Variants in CHST15 observed in about 807,000 individuals in gnomAD.
The protein encoded by CHST15 is carbohydrate sulfotransferase 15, also known as B cell RAG associated protein (GALNAC4S-6ST).
A neutral mutation model predicts 53.6 loss-of-function variants in CHST15; 30 were observed. That is an observed-to-expected ratio of 0.56 (90% confidence interval 0.42 to 0.76). CHST15 has a LOEUF of 0.76. CHST15 is among the 30% of genes least tolerant of loss of function. The probability of loss-of-function intolerance (pLI) is 0.00; values close to 1 mark genes in which losing one functional copy is unlikely to be tolerated. For synonymous variants in CHST15, 296 were observed against 289.8 expected (o/e 1.02, Z -0.22); for missense variants, 627 against 740.5 (o/e 0.85, Z 1.78).
Position 124,045,848 on chromosome 10 carries a change from A to C in CHST15, c.365T>G (p.Leu122Trp). 1 of 1,614,044 alleles carries C rather than the reference A, an allele frequency of 6.2e-7. No homozygotes were observed. Among genetic ancestry groups the C allele is most frequent in the Non-Finnish European group, 8.5e-7 (1 of 1,180,000 alleles). The change falls in exon 2 of 8, where the codon TTG becomes TGG. Residue 122 changes from leucine (L) to tryptophan (W), a missense_variant. This residue lies in a region of CHST15 where 187 missense variants were observed against 251.8 expected (regional missense o/e 0.74). Transcript: ENST00000435907. ...GTCACTTGGGTTTTCGCTGTCCATC[A>C]AGCTGGGGTTGCTGGGGAAGCCTCC... ...HYGGFPSNPS[L>W]MDSENPSDTK...
chr10:124,012,537 C>CAA, intron 6 of CHST15, 57 bp from the exon 7 acceptor site: 1 of 1,554,504 alleles, frequency 6.4e-7, no homozygotes, highest in Admixed American at 1.9e-5. Context: ...CACCATAGGG[C>CAA]ACTTTTCCAA....
chr10:124,093,135 A>G (rs933052422), intron 1 of CHST15, among the ~76,000 whole-genome samples: 2 of 152,170 alleles, frequency 1.3e-5, no homozygotes. Flanking sequence ...CCAATGGCGA[A>G]GGGACTCCTC....
At chr10:124,073,554 A>G (rs1316132162) in intron 1 of CHST15, among the ~76,000 whole-genome samples, 2 of 152,224 alleles carry the variant, frequency 1.3e-5, no homozygotes, top group Non-Finnish European at 2.9e-5. Context: ...TCTTTAATGC[A>G]TGAAGGTTAT....
intron 5 of CHST15, among the ~76,000 whole-genome samples, chr10:124,038,108 A>T (rs1043184363): frequency 5.3e-4 from 70 of 132,376 alleles, no homozygotes; most frequent in Admixed American, 1.1e-3. Context: ...TTTTTATTTT[A>T]TTTTATTTTT....
intron 2 of CHST15, among the ~76,000 whole-genome samples, 193 bp from the exon 3 acceptor site, chr10:124,045,112 CAAAAAA>C (rs758243657): frequency 5.5e-3 from 186 of 33,740 alleles, no homozygotes; most frequent in East Asian, 7.5e-3. Flanking sequence ...CGCCGCCCCA[CAAAAAA>C]AAAAAAAAAA....
chr10:124,038,095 T>C (rs1220810840), intron 5 of CHST15, among the ~76,000 whole-genome samples: 7 of 150,376 alleles, frequency 4.7e-5, no homozygotes, highest in Admixed American at 4.0e-4. Context: ...TTATTTTTGT[T>C]TGTTTTTATT....
In CHST15 at chr10:124,044,846, T is replaced by A. The variant is rs747582261; in HGVS notation, c.620A>T (p.Gln207Leu). 1 of 1,521,234 alleles carries A rather than the reference T, an allele frequency of 6.6e-7. No homozygotes were observed. The highest frequency in any genetic ancestry group is 2.1e-5 in the Admixed American group (1 of 47,284). 94.2% of individuals were successfully genotyped at this position (1,521,234 alleles called of 1,614,324 possible). ...SPCWYEEFSG[Q>L]NTTDPYLTNS... ...GGTGAGGTAGGGGTCGGTGGTGTTC[T>A]GCCCCGAGAACTCCTCGTACCAACA... is the stretch of plus-strand genomic sequence containing the variant. Residue 207 changes from glutamine to leucine, a missense_variant, in exon 3 of 8, where the codon CAG becomes CTG. Coordinates refer to ENST00000435907, the MANE Select transcript of CHST15 (RefSeq NM_001270764.2).
At chr10:124,061,945 G>A (rs1948588467) in intron 1 of CHST15, among the ~76,000 whole-genome samples, 1 of 151,240 alleles carries the variant, frequency 6.6e-6, no homozygotes, top group African/African-American at 2.4e-5. Flanking sequence ...GCTGCACTGT[G>A]TCCCCTCCTT....
intron 1 of CHST15, among the ~76,000 whole-genome samples, chr10:124,090,604 T>C (rs1218136540): frequency 6.6e-6 from 1 of 152,224 alleles, no homozygotes; most frequent in Non-Finnish European, 1.5e-5. Flanking sequence ...GAATTAATCT[T>C]CTCTCTTCCA....
rs139837459 is a variant in CHST15 at position 124,077,927 on chromosome 10, A to G, written c.-513+15542T>C. On this transcript the variant is annotated intron_variant, in intron 1 of 7. Transcript: ENST00000435907. ...AGATGGTTTAATTAAAATACACCAG[A>G]GCATAATTCAATTGGAATTGAGGCT... is the stretch of plus-strand genomic sequence containing the variant. Among the ~76,000 whole-genome samples the G allele has an allele frequency of 5.1e-3, 770 of 152,338 alleles. 3 individuals are homozygous for G. The highest frequency in any genetic ancestry group is 0.017 in the African/African-American group (709 of 41,562).
chr10:124,050,523 C>G (rs964749089), intron 1 of CHST15, among the ~76,000 whole-genome samples: 3 of 152,176 alleles, frequency 2.0e-5, no homozygotes, highest in African/African-American at 7.2e-5. Flanking sequence ...ACCCTGGCCC[C>G]CACCCACTGG....
rs1249904720 is a variant in CHST15, at chr10:124,074,169, C to T, written c.-513+19300G>A. ...CTGCACCCCCAGGGAAGGTAGCTTG[C>T]TCTCCCTCCCAAGATCTTTCCACTT... On this transcript the variant is annotated intron_variant, in intron 1 of 7. Transcript: ENST00000435907. The surrounding 1 kb of genome is among the most constrained non-coding windows in gnomAD (Gnocchi z 4.4). Among the ~76,000 whole-genome samples the T allele has an allele frequency of 6.6e-6, 1 of 152,218 alleles. No individual in the cohort carries two copies. The highest frequency in any genetic ancestry group is 1.9e-4 in the East Asian group (1 of 5,190).
chr10:124,067,640 G>A (rs548633979), intron 1 of CHST15, among the ~76,000 whole-genome samples: 1 of 152,232 alleles, frequency 6.6e-6, no homozygotes, highest in African/African-American at 2.4e-5. Context: ...TTTTTGAGAC[G>A]GAGTGTTGCT....
Position 124,008,589 on chromosome 10 carries a change from T to C in CHST15, c.*1560A>G. On this transcript the variant is annotated 3_prime_UTR_variant, in exon 8 of 8. Coordinates refer to ENST00000435907, the MANE Select transcript of CHST15 (RefSeq NM_001270764.2). ...CCTCTGCACACCTTCGAACGGGCTGTGTGTCCCTTCTCTGATGGCAGAAAG... is the reference window on the plus strand; with the variant it reads ...CCTCTGCACACCTTCGAACGGGCTGCGTGTCCCTTCTCTGATGGCAGAAAG... The C allele has an allele frequency of 3.9e-6, 4 of 1,026,204 alleles. No homozygotes were observed. Among genetic ancestry groups the C allele is most frequent in the Non-Finnish European group, 3.5e-6 (3 of 852,474 alleles). The allele number at this position is 1,026,204 out of a possible 1,614,324, so 63.6% of individuals were successfully genotyped here. A position where few individuals can be genotyped will look rare whatever the true frequency, so the allele number is the denominator to read the frequency against.
intron 4 of CHST15, among the ~76,000 whole-genome samples, chr10:124,041,698 A>T (rs1279463627): frequency 6.6e-6 from 1 of 152,228 alleles, no homozygotes; most frequent in African/African-American, 2.4e-5. Context: ...TTAAAGAGTA[A>T]ATATGTATGT....
intron 1 of CHST15, among the ~76,000 whole-genome samples, chr10:124,081,110 A>G (rs760374321): frequency 2.6e-5 from 4 of 152,224 alleles, no homozygotes; most frequent in African/African-American, 9.6e-5. Flanking sequence ...GTGATGAACA[A>G]TGTGTGTTAG....
At chr10:124,060,656 G>C (rs1242651071) in intron 1 of CHST15, among the ~76,000 whole-genome samples, 1 of 152,218 alleles carries the variant, frequency 6.6e-6, no homozygotes. Context: ...AGTGTGCAGA[G>C]GTTAGCCAGG....
intron 6 of CHST15, 160 bp downstream of exon 6, chr10:124,021,096 T>G: frequency 6.7e-7 from 1 of 1,483,184 alleles, no homozygotes; most frequent in South Asian, 1.3e-5. Flanking sequence ...TTTTCAGCTT[T>G]TACATCCATG....
Position 124,019,893 on chromosome 10 carries a change from G to A in CHST15, c.1347+1363C>T. ...CACACCAGGCGGCTGGCTGCGTTCT[G>A]TATGGTAGGTGGTGCTGACCACTGG... On this transcript the variant is annotated intron_variant, in intron 6 of 7. Coordinates refer to ENST00000435907, the MANE Select transcript of CHST15 (RefSeq NM_001270764.2). This position sits in a 1 kb window ranked among gnomAD's most constrained non-coding sequence, Gnocchi z 4.6. 1 of 986,046 alleles carries A rather than the reference G, an allele frequency of 1.0e-6. No individual in the cohort carries two copies. Among genetic ancestry groups the A allele is most frequent in the Non-Finnish European group, 1.2e-6 (1 of 830,408 alleles). 61.1% of individuals were successfully genotyped at this position (986,046 alleles called of 1,614,324 possible). A position where few individuals can be genotyped will look rare whatever the true frequency, so the allele number is the denominator to read the frequency against.
Sources: allele counts gnomAD v4.1 joint callset (sites outside exome capture counted in the v4.1 genomes callset), GRCh38; gene constraint gnomAD v4.1.1; regional missense constraint gnomAD v4.1.1; non-coding constraint Gnocchi (gnomAD v3.1); transcripts MANE v1.5; gene names NCBI Gene and HGNC (gene_info 2026-07-23, HGNC 2026-07-21).